Variants in ITGA5 observed in about 807,000 individuals in gnomAD.
ITGA5 encodes integrin subunit alpha 5, also known as integrin alpha-5.
ITGA5 carries 55 observed loss-of-function variants against 146.3 expected under a neutral mutation model. The ratio of observed to expected loss-of-function variants is 0.38; its 90% CI spans 0.30 to 0.47. ITGA5 has a LOEUF of 0.47. Ranked by LOEUF, ITGA5 falls within the 20% of genes least tolerant of loss-of-function variation. ITGA5 has a pLI of 0.99. For synonymous variants in ITGA5, 500 were observed against 531.8 expected, an observed-to-expected ratio of 0.94 and a Z score of 0.82; for missense variants, 1,131 against 1,329.0, an observed-to-expected ratio of 0.85 and a Z score of 2.32.
intron 9 of ITGA5, among the ~76,000 whole-genome samples, chr12:54,406,510 G>A (rs1487499847): frequency 6.6e-6 from 1 of 152,202 alleles, no homozygotes; most frequent in East Asian, 1.9e-4. Context: ...AGCAGATCTA[G>A]GAGGCTACCT....
chr12:54,397,425 G>A lies in ITGA5; in HGVS notation c.3006C>T (p.Ile1002=). The A allele has an allele frequency of 2.5e-6, 4 of 1,614,156 alleles. No homozygotes were observed. The highest frequency in any genetic ancestry group is 3.4e-6 in the Non-Finnish European group (4 of 1,180,002). ...EGSYGVPLWI[I]ILAILFGLLL... The stretch of plus-strand genomic sequence containing the variant: ...GGAGGCCAAACAGGATGGCTAGGAT[G>A]ATGATCCACAGTGGGACGCCATAGC... The change falls in exon 29 of 30, where the codon ATC becomes ATT. Residue 1002 remains isoleucine (I), a synonymous_variant. Coordinates refer to ENST00000293379, the MANE Select transcript of ITGA5 (RefSeq NM_002205.5).
intron 12 of ITGA5, 40 bp downstream of exon 12, chr12:54,405,126 C>T (rs2120514531): frequency 6.6e-7 from 1 of 1,514,982 alleles, no homozygotes; most frequent in Non-Finnish European, 8.9e-7. Context: ...TGACTTGGGC[C>T]CCTGCCTCCT....
intron 25 of ITGA5, chr12:54,400,337 T>A (rs552513024): frequency 3.7e-5 from 8 of 213,890 alleles, no homozygotes; most frequent in African/African-American, 1.8e-4. Context: ...CTACAGCTTA[T>A]TAACTCTTCA....
intron 27 of ITGA5, 135 bp from the exon 28 acceptor site, chr12:54,398,833 CTCTTTTTTT>C: frequency 2.6e-6 from 1 of 390,654 alleles, no homozygotes; most frequent in Non-Finnish European, 4.4e-6. Context: ...CTCTCTCTCT[CTCTTTTTTT>C]TTTTTTTTTT....
At chr12:54,402,924 G>T (rs944463966) in intron 19 of ITGA5, 59 bp downstream of exon 19, 3 of 1,452,226 alleles carry the variant, frequency 2.1e-6, no homozygotes, top group East Asian at 4.5e-5. Flanking sequence ...GTCCCTAGCT[G>T]ATTTTTTCAG....
intron 13 of ITGA5, 78 bp downstream of exon 13, chr12:54,404,625 A>T: frequency 6.7e-7 from 1 of 1,503,072 alleles, no homozygotes; most frequent in Non-Finnish European, 9.3e-7. Context: ...CAGGAACTTA[A>T]GGAAAGGTGC....
intron 29 of ITGA5, 119 bp downstream of exon 29, chr12:54,397,246 G>A: frequency 9.1e-7 from 1 of 1,100,208 alleles, no homozygotes; most frequent in Non-Finnish European, 1.4e-6. Flanking sequence ...ATGTAGCCAG[G>A]ACAGAGGTGG....
chr12:54,417,964 A>G (rs1956027899), intron 1 of ITGA5, among the ~76,000 whole-genome samples: 1 of 151,992 alleles, frequency 6.6e-6, no homozygotes, highest in Non-Finnish European at 1.5e-5. Context: ...CCCATTTTCT[A>G]GGCACTCGGG....
At chr12:54,399,997 G>A (rs1347349361) in intron 25 of ITGA5, 50 bp from the exon 26 acceptor site, 1 of 1,362,156 alleles carries the variant, frequency 7.3e-7, no homozygotes, top group African/African-American at 1.4e-5. Flanking sequence ...CAGCTTCTAA[G>A]TCAGCTTGCA....
chr12:54,405,145 C>G, intron 12 of ITGA5, 21 bp downstream of exon 12: 1 of 1,553,354 alleles, frequency 6.4e-7, no homozygotes, highest in Admixed American at 1.9e-5. Context: ...CTCTTTCACT[C>G]TCTGAGCCCA....
chr12:54,407,610 A>G, intron 9 of ITGA5, 39 bp downstream of exon 9: 1 of 1,564,262 alleles, frequency 6.4e-7, no homozygotes, highest in East Asian at 2.2e-5. Flanking sequence ...GTGATTAGGC[A>G]GGGGAGGAGA....
intron 12 of ITGA5, 117 bp downstream of exon 12, chr12:54,405,049 A>G: frequency 8.2e-7 from 1 of 1,219,172 alleles, no homozygotes; most frequent in Non-Finnish European, 1.2e-6. Context: ...GTGGGATTTT[A>G]ACCCCTCGGG....
In ITGA5 at chr12:54,404,071, C is replaced by G. The variant is rs991692715; in HGVS notation, c.1565+74G>C. Reference sequence around the variant, plus strand: ...CAGACTAGGACACCACCATTTTCCCCTTTTTAAGGCAGACTTGGTGCCCCT... The same window carrying G: ...CAGACTAGGACACCACCATTTTCCCGTTTTTAAGGCAGACTTGGTGCCCCT... On this transcript the variant is annotated intron_variant, in intron 15 of 29. Coordinates refer to ENST00000293379, the MANE Select transcript of ITGA5 (RefSeq NM_002205.5). 5 of 1,566,754 alleles carry G rather than the reference C, an allele frequency of 3.2e-6. No individual in the cohort carries two copies. In the Admixed American group the frequency reaches 6.8e-5, roughly 21 times the overall value.
At position 54,401,624 on chromosome 12, in the gene ITGA5, C is replaced by T. The variant is rs369973451; in HGVS notation, c.2348G>A (p.Arg783Gln). 18 of 1,614,138 alleles carry T rather than the reference C, an allele frequency of 1.1e-5. No individual in the cohort carries two copies. In the East Asian group the frequency reaches 2.5e-4, roughly 22 times the overall value. Residue 783 changes from arginine (R) to glutamine (Q), a missense_variant, in exon 23 of 30, where the codon CGG (arginine) becomes CAG (glutamine). Transcript: ENST00000293379. The surrounding 1 kb of genome is among the most constrained non-coding windows in gnomAD (Gnocchi z 5.0). ...NNSQSDVVSF[R>Q]LSVEAQAQVT... Reference sequence around the variant, plus strand: ...CTGGGCCTGAGCCTCCACGGAGAGCCGAAAGGAAACCACGTCGCTTTGCGA... The same window carrying T: ...CTGGGCCTGAGCCTCCACGGAGAGCTGAAAGGAAACCACGTCGCTTTGCGA...
rs745572821 is a variant in ITGA5, at chr12:54,403,197, A to C, written c.1904T>G (p.Ile635Arg). 2 of 1,559,598 alleles carry C rather than the reference A, an allele frequency of 1.3e-6. No homozygotes were observed. Among genetic ancestry groups the C allele is most frequent in the Non-Finnish European group, 1.7e-6 (2 of 1,154,144 alleles). The stretch of plus-strand genomic sequence containing the variant: ...CTGCCCTGTCCTCACCTTGTCCTCT[A>C]TCCGGCTCTTGCTCTGATAATGTAG... Reference protein sequence around the residue: ...PALHYQSKSRIEDKAQILLDC... With the variant: ...PALHYQSKSRREDKAQILLDC... The change falls in exon 18 of 30, where the codon ATA becomes AGA. Residue 635 changes from isoleucine (I) to arginine (R), a missense_variant. Ile to Arg is a moderately conservative substitution (Grantham distance 97). Transcript: ENST00000293379. The surrounding 1 kb of genome is among the most constrained non-coding windows in gnomAD (Gnocchi z 4.9).
chr12:54,398,483 T>C (rs1955742251), intron 28 of ITGA5, 114 bp downstream of exon 28: 1 of 703,456 alleles, frequency 1.4e-6, no homozygotes, highest in African/African-American at 1.9e-5. Flanking sequence ...TGGCACATAG[T>C]ACATTCTCAA....
intron 2 of ITGA5, 58 bp downstream of exon 2, chr12:54,411,776 C>G: frequency 2.2e-6 from 3 of 1,377,974 alleles, no homozygotes; most frequent in South Asian, 1.7e-5. Context: ...CCCACCCAGG[C>G]CTTGCCCCCA....
chr12:54,400,074 A>C (rs1172084611), intron 25 of ITGA5, 127 bp from the exon 26 acceptor site: 2 of 693,440 alleles, frequency 2.9e-6, no homozygotes, highest in Non-Finnish European at 5.2e-6. Flanking sequence ...CCAACTGTCC[A>C]CCTCCTATGC....
rs747838872 is a variant in ITGA5, at chr12:54,397,416, G to T, written c.3015C>A (p.Ala1005=). Reference sequence around the variant, plus strand: ...CTAGGAGCAGGAGGCCAAACAGGATGGCTAGGATGATGATCCACAGTGGGA... The same window carrying T: ...CTAGGAGCAGGAGGCCAAACAGGATTGCTAGGATGATGATCCACAGTGGGA... ...YGVPLWIIIL[A]ILFGLLLLGL... is the part of the protein sequence containing the mutation. Residue 1005 remains alanine, a synonymous_variant, in exon 29 of 30, where the codon GCC becomes GCA. Coordinates refer to ENST00000293379, the MANE Select transcript of ITGA5 (RefSeq NM_002205.5). 5 of 1,614,012 alleles carry T rather than the reference G, an allele frequency of 3.1e-6. No homozygotes were observed. In the Admixed American group the frequency reaches 5.0e-5, roughly 16 times the overall value.
Sources: gnomAD v4.1 joint callset for allele counts (sites outside exome capture counted in the v4.1 genomes callset) on GRCh38, gnomAD v4.1.1 for gene constraint, Gnocchi (gnomAD v3.1) non-coding constraint, MANE v1.5 for transcripts, NCBI Gene and HGNC (gene_info 2026-07-23, HGNC 2026-07-21) for gene names.